The following SEMA5A variants were observed in gnomAD, a reference collection of about 807,000 sequenced individuals.
The protein encoded by SEMA5A is semaphorin 5A.
In SEMA5A, 55 loss-of-function variants were observed where a neutral mutation model predicts 135.5. The observed-to-expected ratio is 0.41, with a 90% CI of 0.33 to 0.51. SEMA5A has a LOEUF of 0.51. Among genes scored for constraint, SEMA5A ranks in the 20% least tolerant of loss-of-function variants. The pLI is 0.37. For synonymous variants in SEMA5A, 580 were observed against 546.5 expected (o/e 1.06, Z -0.85); for missense variants, 1,290 against 1,419.9 (o/e 0.91, Z 1.47).
Position 9,047,248 on chromosome 5 carries a change from G to A in SEMA5A, c.2894-2664C>T, listed in dbSNP as rs1225892296. Among the ~76,000 whole-genome samples, 3 of 152,194 alleles carry A rather than the reference G, an allele frequency of 2.0e-5. No homozygotes were observed. In the South Asian group the frequency reaches 6.2e-4, roughly 31 times the overall value. ...TAACTCATGTTTCATTATAACATAG[G>A]GAAGATGCATGATAGTCTCCATATG... On this transcript the variant is annotated intron_variant, in intron 21 of 22. Coordinates refer to ENST00000382496, the MANE Select transcript of SEMA5A (RefSeq NM_003966.3).
intron 5 of SEMA5A, among the ~76,000 whole-genome samples, chr5:9,240,009 C>G (rs142919295): frequency 2.6e-5 from 4 of 151,836 alleles, no homozygotes; most frequent in Non-Finnish European, 5.9e-5. Flanking sequence ...GCCCAAATAG[C>G]CTTTGCATTT....
chr5:9,526,615 G>A (rs1737138635), intron 1 of SEMA5A, among the ~76,000 whole-genome samples: 1 of 152,176 alleles, frequency 6.6e-6, no homozygotes, highest in Non-Finnish European at 1.5e-5. Flanking sequence ...TGTTAGCTAT[G>A]AGCCCTTGAG....
intron 2 of SEMA5A, among the ~76,000 whole-genome samples, chr5:9,431,001 G>A (rs1266622948): frequency 1.3e-5 from 2 of 152,086 alleles, no homozygotes; most frequent in South Asian, 2.1e-4. Context: ...GATTATGTAG[G>A]AAAGAAAGGA....
At chr5:9,275,913 C>A (rs1750237678) in intron 5 of SEMA5A, among the ~76,000 whole-genome samples, 1 of 152,070 alleles carries the variant, frequency 6.6e-6, no homozygotes. Flanking sequence ...GACAGGGATG[C>A]CCTCTCTCAC....
At chr5:9,367,314 A>G (rs1754959186) in intron 3 of SEMA5A, 1 of 152,210 alleles carries the variant, frequency 6.6e-6, no homozygotes, top group African/African-American at 2.4e-5. Flanking sequence ...CTTTATAGCC[A>G]TGAGTTCTCT....
At chr5:9,231,465 CAAAAAAAAAAAA>C (rs58901854) in intron 6 of SEMA5A, among the ~76,000 whole-genome samples, 4 of 64,658 alleles carry the variant, frequency 6.2e-5, no homozygotes, top group Admixed American at 2.2e-4. Context: ...GACTCCATCT[CAAAAAAAAAAAA>C]AAAAAAAAAA....
rs889457763 is a variant in SEMA5A, at chr5:9,545,307, G to A, written c.-175+277C>T. Among the ~76,000 whole-genome samples the A allele has an allele frequency of 4.6e-5, 7 of 152,114 alleles. No homozygotes were observed. Among genetic ancestry groups the A allele is most frequent in the Admixed American group, 3.3e-4 (5 of 15,284 alleles). On this transcript the variant is annotated intron_variant, in intron 1 of 22. Coordinates refer to ENST00000382496, the MANE Select transcript of SEMA5A (RefSeq NM_003966.3). The surrounding 1 kb of genome is among the most constrained non-coding windows in gnomAD (Gnocchi z 4.5). ...CCGTCTCGCCCACCGCGACACTCCG[G>A]CTCCTTACCTCTCCATGCTCAGACC...
intron 5 of SEMA5A, among the ~76,000 whole-genome samples, chr5:9,242,380 T>C (rs993070456): frequency 2.0e-5 from 3 of 152,258 alleles, no homozygotes; most frequent in African/African-American, 7.2e-5. Flanking sequence ...TTGGAAGGAT[T>C]TGTTCGATGT....
In SEMA5A at chr5:9,093,224, A is replaced by G. The variant is rs533289772; in HGVS notation, c.2073+14916T>C. 4.6e-5 allele frequency among the ~76,000 whole-genome samples: 7 copies of G among 152,356 alleles called. No homozygotes were observed. The East Asian group carries it at 1.3e-3, about 29-fold the overall frequency. ...TACATATATCTGAAACCATAACATTATGTATGTATATACAATCAGATAGCT... is the reference window on the plus strand; with the variant it reads ...TACATATATCTGAAACCATAACATTGTGTATGTATATACAATCAGATAGCT... On this transcript the variant is annotated intron_variant, in intron 16 of 22. Coordinates refer to ENST00000382496, the MANE Select transcript of SEMA5A (RefSeq NM_003966.3).
rs545238013 is a variant in SEMA5A, at chr5:9,363,055, G to T, written c.124+16768C>A. Among the ~76,000 whole-genome samples the T allele has an allele frequency of 4.6e-5, 7 of 152,252 alleles. No individual in the cohort carries two copies. The South Asian group carries it at 6.2e-4, about 14-fold the overall frequency. On this transcript the variant is annotated intron_variant, in intron 3 of 22. Transcript: ENST00000382496. ...GGGTCAGGAAAATCCATTAATTAAAGATTCCAGGACTCTAAAGTACATTTC... is the reference window on the plus strand; with the variant it reads ...GGGTCAGGAAAATCCATTAATTAAATATTCCAGGACTCTAAAGTACATTTC...
At chr5:9,466,128 C>A (rs1759249233) in intron 1 of SEMA5A, among the ~76,000 whole-genome samples, 1 of 152,018 alleles carries the variant, frequency 6.6e-6, no homozygotes, top group East Asian at 1.9e-4. Flanking sequence ...GCTGTGCACA[C>A]AGATACCTGG....
intron 2 of SEMA5A, among the ~76,000 whole-genome samples, chr5:9,432,009 G>GAGATTTGTTCTCT (rs1418230650): frequency 1.3e-5 from 2 of 152,182 alleles, no homozygotes; most frequent in Non-Finnish European, 2.9e-5. Context: ...GAGGGGAAAA[G>GAGATTTGTTCTCT]GCCCAAATCT....
intron 13 of SEMA5A, 131 bp from the exon 14 acceptor site, chr5:9,122,968 A>G: frequency 1.2e-6 from 1 of 840,670 alleles, no homozygotes; most frequent in Non-Finnish European, 1.7e-6. Context: ...CTGCAGTTAG[A>G]AAAAGGGCCA....
chr5:9,544,576 A>T (rs1419356110), intron 1 of SEMA5A, among the ~76,000 whole-genome samples: 28 of 145,760 alleles, frequency 1.9e-4, no homozygotes, highest in Middle Eastern at 3.5e-3. Flanking sequence ...GTTGCCTGGG[A>T]CTCCCGCCCA....
chr5:9,345,712 G>T (rs1753834564), intron 3 of SEMA5A, among the ~76,000 whole-genome samples: 1 of 152,042 alleles, frequency 6.6e-6, no homozygotes, highest in African/African-American at 2.4e-5. Flanking sequence ...GAACAAGAAA[G>T]CTCTTGCAGA....
At chr5:9,117,690 T>C (rs1268833156) in intron 15 of SEMA5A, among the ~76,000 whole-genome samples, 1 of 152,198 alleles carries the variant, frequency 6.6e-6, no homozygotes, top group African/African-American at 2.4e-5. Flanking sequence ...TTGAAGCATA[T>C]TGGGTTTCAG....
chr5:9,300,065 C>T (rs926816220), intron 5 of SEMA5A, among the ~76,000 whole-genome samples: 1 of 152,118 alleles, frequency 6.6e-6, no homozygotes, highest in Non-Finnish European at 1.5e-5. Context: ...AGGTCTTGCT[C>T]TGTTAGACTG....
At chr5:9,200,491 A>T (rs1745645752) in intron 9 of SEMA5A, among the ~76,000 whole-genome samples, 1 of 152,244 alleles carries the variant, frequency 6.6e-6, no homozygotes, top group African/African-American at 2.4e-5. Context: ...ACTAGTTTTT[A>T]AACAAGGTTT....
chr5:9,072,065 C>T (rs902423117), intron 16 of SEMA5A, among the ~76,000 whole-genome samples: 1 of 152,194 alleles, frequency 6.6e-6, no homozygotes, highest in African/African-American at 2.4e-5. Flanking sequence ...ATTATATGGT[C>T]ACAGAGTGTC....
Sources: gnomAD v4.1 joint callset for allele counts (sites outside exome capture counted in the v4.1 genomes callset) on GRCh38, gnomAD v4.1.1 for gene constraint, Gnocchi (gnomAD v3.1) non-coding constraint, MANE v1.5 for transcripts, NCBI Gene and HGNC (gene_info 2026-07-23, HGNC 2026-07-21) for gene names.